Variants in LGALS9 observed in about 807,000 individuals in gnomAD.
LGALS9 encodes the protein galectin-9.
Under a neutral mutation model 35.9 loss-of-function variants are expected in LGALS9, and 26 were observed. The observed-to-expected ratio is 0.72, with a 90% confidence interval of 0.53 to 1.01. The LOEUF is 1.01. LGALS9 is among the 50% of genes least tolerant of loss of function. The pLI, the probability that LGALS9 is intolerant of heterozygous loss-of-function variation, is 0.00. For synonymous variants in LGALS9, 149 were observed against 172.2 expected (o/e 0.87, Z 1.06); for missense variants, 347 against 445.8 (o/e 0.78, Z 1.99).
chr17:27,640,608 T>C lies in LGALS9; in HGVS notation c.168T>C (p.Asn56=). 1.9e-6 allele frequency: 3 copies of C among 1,614,130 alleles called. No homozygotes were observed. The highest frequency in any genetic ancestry group is 2.5e-6 in the Non-Finnish European group (3 of 1,179,962). ...ACTTTCAGACTGGCTTCAGTGGAAA[T>C]GACATTGCCTTCCACTTCAACCCTC... ...AVNFQTGFSG[N]DIAFHFNPRF... The change falls in exon 3 of 11, where the codon AAT becomes AAC. Residue 56 remains asparagine (N), a synonymous_variant. Transcript: ENST00000395473.
At position 27,640,980 on chromosome 17, in the gene LGALS9, C is replaced by T. The variant is rs555742606; in HGVS notation, c.333+207C>T. 4.0e-4 allele frequency: 333 copies of T among 824,078 alleles called. 1 individual carries two copies. In the African/African-American group the frequency reaches 5.0e-3, roughly 12 times the overall value. 51.0% of individuals were successfully genotyped at this position (824,078 alleles called of 1,614,324 possible). A position where few individuals can be genotyped will look rare whatever the true frequency, so the allele number is the denominator to read the frequency against. On this transcript the variant is annotated intron_variant, in intron 3 of 10. Transcript: ENST00000395473. ...GAATCTACAGGTGCACCTGCTGCTT[C>T]TTTTACTCTGAAAATAAGAACTAGA...
intron 1 of LGALS9, among the ~76,000 whole-genome samples, chr17:27,635,372 G>C (rs1164700281): frequency 6.6e-6 from 1 of 151,952 alleles, no homozygotes; most frequent in Middle Eastern, 3.2e-3. Flanking sequence ...CCAGGGGGTG[G>C]AGGCTGCAGT....
intron 5 of LGALS9, 98 bp downstream of exon 5, chr17:27,643,718 C>T: frequency 6.8e-7 from 1 of 1,471,004 alleles, no homozygotes; most frequent in Non-Finnish European, 9.0e-7. Context: ...TCAGGGCCTA[C>T]AGGCCGCATC....
In LGALS9 at chr17:27,648,953, G is replaced by A. The variant is rs1372965459; in HGVS notation, c.1039G>A (p.Asp347Asn). ...PTINRLEVGG[D>N]IQLTHVQT ...CATCAACAGACTGGAAGTGGGGGGC[G>A]ACATCCAGCTGACCCATGTGCAGAC... The change falls in exon 11 of 11, where the codon GAC becomes AAC. Residue 347 changes from aspartate to asparagine, a missense_variant. By Grantham distance (23) the Asp-to-Asn change is conservative. Transcript: ENST00000395473. 8.1e-6 allele frequency: 13 copies of A among 1,613,808 alleles called. No homozygotes were observed. The highest frequency in any genetic ancestry group is 1.6e-4 in the Middle Eastern group (1 of 6,078).
At chr17:27,643,903 G>GTTCCCCACCCCC (rs1904723366) in intron 5 of LGALS9, among the ~76,000 whole-genome samples, 1 of 152,148 alleles carries the variant, frequency 6.6e-6, no homozygotes, top group Non-Finnish European at 1.5e-5. Flanking sequence ...CATGACGACA[G>GTTCCCCACCCCC]GGGTCCAGTT....
rs1905042804 is a variant in LGALS9, at chr17:27,647,521, T to G, written c.921+89T>G. On this transcript the variant is annotated intron_variant, in intron 10 of 10. Coordinates refer to ENST00000395473, the MANE Select transcript of LGALS9 (RefSeq NM_009587.3). ...GAGGTTTGAGGTACCTTGAACAGTA[T>G]GGGGGCTGATTCCTCTGGGATGAAG... 2.2e-5 allele frequency: 34 copies of G among 1,530,288 alleles called. No homozygotes were observed. The South Asian group carries it at 3.5e-4, about 16-fold the overall frequency. 94.8% of individuals were successfully genotyped at this position (1,530,288 alleles called of 1,614,324 possible).
chr17:27,631,785 A>G (rs1305322233), intron 1 of LGALS9, among the ~76,000 whole-genome samples: 1 of 151,832 alleles, frequency 6.6e-6, no homozygotes, highest in Admixed American at 6.6e-5. Context: ...CAGGGTTGGG[A>G]TATGGATTAA....
intron 4 of LGALS9, 90 bp downstream of exon 4, chr17:27,642,438 A>T: frequency 6.3e-7 from 1 of 1,578,598 alleles, no homozygotes; most frequent in Non-Finnish European, 8.6e-7. Context: ...GGCCCAAGCC[A>T]ATCTCCTACC....
At chr17:27,636,407 T>C (rs994283454) in intron 1 of LGALS9, among the ~76,000 whole-genome samples, 9 of 152,152 alleles carry the variant, frequency 5.9e-5, no homozygotes, top group Non-Finnish European at 1.0e-4. Flanking sequence ...CCCTCAGATA[T>C]GTGGAAGCAA....
intron 1 of LGALS9, among the ~76,000 whole-genome samples, chr17:27,632,522 C>T (rs2074403019): frequency 6.6e-6 from 1 of 152,198 alleles, no homozygotes. Context: ...TGAGGTAGGA[C>T]CTGCACAGAG....
chr17:27,641,765 G>A (rs554293036), intron 3 of LGALS9, among the ~76,000 whole-genome samples: 17 of 152,148 alleles, frequency 1.1e-4, no homozygotes, highest in African/African-American at 3.4e-4. Context: ...CTTCAGGTCA[G>A]GAGTCCAAGA....
At chr17:27,636,621 C>T (rs1188478756) in intron 1 of LGALS9, among the ~76,000 whole-genome samples, 3 of 152,002 alleles carry the variant, frequency 2.0e-5, no homozygotes, top group Non-Finnish European at 2.9e-5. Context: ...AGGTGTGCAC[C>T]ACCACACCTA....
intron 8 of LGALS9, 92 bp downstream of exon 8, chr17:27,646,680 A>C (rs545793117): frequency 1.3e-6 from 2 of 1,588,614 alleles, no homozygotes; most frequent in Admixed American, 3.4e-5. Context: ...TGGCCTTGAA[A>C]AATTAAAAGC....
At chr17:27,639,464 G>A (rs1904323379) in intron 2 of LGALS9, among the ~76,000 whole-genome samples, 1 of 151,822 alleles carries the variant, frequency 6.6e-6, no homozygotes, top group Non-Finnish European at 1.5e-5. Context: ...TCCCTTCCTT[G>A]GGGCAGGAAT....
At chr17:27,640,912 G>A in intron 3 of LGALS9, 139 bp downstream of exon 3, 1 of 1,353,362 alleles carries the variant, frequency 7.4e-7, no homozygotes, top group Non-Finnish European at 1.0e-6. Flanking sequence ...TTCCTTGTGA[G>A]GTGTTACCCA....
At chr17:27,645,393 TTCTGGGCTCA>T (rs1466925064) in intron 6 of LGALS9, 44 bp downstream of exon 6, 5 of 1,610,840 alleles carry the variant, frequency 3.1e-6, no homozygotes, top group Non-Finnish European at 4.2e-6. Context: ...ATTTTGGCTT[TTCTGGGCTCA>T]TGGAGGAGGC....
At position 27,644,337 on chromosome 17, in the gene LGALS9, C is replaced by A. The variant is rs149332254; in HGVS notation, c.540+717C>A. The A allele has an allele frequency of 8.2e-4, 125 of 152,902 alleles. 1 individual carries two copies. The highest frequency in any genetic ancestry group is 7.8e-3 in the Admixed American group (120 of 15,326). 9.5% of individuals were successfully genotyped at this position (152,902 alleles called of 1,614,324 possible). On this transcript the variant is annotated intron_variant, in intron 5 of 10. Coordinates refer to ENST00000395473, the MANE Select transcript of LGALS9 (RefSeq NM_009587.3). ...TATGTATCTGTGCCATGCCAGTTCACAGCACCCCATTGTAACTGTATTTGC... is the reference window on the plus strand; with the variant it reads ...TATGTATCTGTGCCATGCCAGTTCAAAGCACCCCATTGTAACTGTATTTGC...
At chr17:27,637,637 G>T (rs1459430472) in intron 1 of LGALS9, among the ~76,000 whole-genome samples, 1 of 152,242 alleles carries the variant, frequency 6.6e-6, no homozygotes, top group African/African-American at 2.4e-5. Context: ...CTGCCCCACG[G>T]CTACAGAAGG....
At chr17:27,641,365 T>G (rs1302366162) in intron 3 of LGALS9, among the ~76,000 whole-genome samples, 1 of 152,144 alleles carries the variant, frequency 6.6e-6, no homozygotes, top group Admixed American at 6.5e-5. Context: ...TAAAAAGGAA[T>G]GAGATCATGT....
Sources: allele counts gnomAD v4.1 joint callset (sites outside exome capture counted in the v4.1 genomes callset), GRCh38; gene constraint gnomAD v4.1.1; transcripts MANE v1.5; gene names NCBI Gene and HGNC (gene_info 2026-07-23, HGNC 2026-07-21).